MCM9: variants seen among roughly 807,000 people sequenced by gnomAD.
MCM9 encodes DNA helicase MCM9.
Under a neutral mutation model 72.8 loss-of-function variants are expected in MCM9, and 55 were observed. The observed-to-expected ratio is 0.76, with a 90% confidence interval of 0.61 to 0.95. The LOEUF is 0.95. MCM9 is among the 40% of genes least tolerant of loss of function. The pLI, the probability that MCM9 is intolerant of heterozygous loss-of-function variation, is 0.00. For synonymous variants in MCM9, 480 were observed against 503.4 expected, an observed-to-expected ratio of 0.95 and a Z score of 0.62; for missense variants, 1,279 against 1,377.0, an observed-to-expected ratio of 0.93 and a Z score of 1.13.
intron 3 of MCM9, among the ~76,000 whole-genome samples, chr6:118,925,962 T>C (rs1405797872): frequency 1.3e-5 from 2 of 152,330 alleles, no homozygotes; most frequent in East Asian, 1.9e-4. Flanking sequence ...CCATAAAATT[T>C]ACCCTATAAA....
At chr6:118,934,469 C>T (rs1385207872) in intron 1 of MCM9, 1 of 151,928 alleles carries the variant, frequency 6.6e-6, no homozygotes, top group East Asian at 1.9e-4. Context: ...CAGCTGTCTC[C>T]GGGAATCGCG....
rs1773360522 is a variant in MCM9 at position 118,815,580 on chromosome 6, T to C, written c.2676A>G (p.Lys892=). ...HSPDRMLDSP[K]RKRPKSLAQV... The stretch of plus-strand genomic sequence containing the variant: ...GCGCAAGGGATTTCGGTCTCTTTCT[T>C]TTGGGTGAGTCCAGCATTCTGTCTG... The change falls in exon 14 of 14, where the codon AAA becomes AAG. Residue 892 remains lysine (K), a synonymous_variant. Transcript: ENST00000619706. 2 of 1,550,226 alleles carry C rather than the reference T, an allele frequency of 1.3e-6. No homozygotes were observed. Among genetic ancestry groups the C allele is most frequent in the African/African-American group, 1.4e-5 (1 of 73,032 alleles).
intron 8 of MCM9, among the ~76,000 whole-genome samples, chr6:118,859,639 A>C (rs1776783056): frequency 6.6e-6 from 1 of 152,220 alleles, no homozygotes; most frequent in African/African-American, 2.4e-5. Context: ...GGACCCCATC[A>C]TAGGGAAACC....
intron 8 of MCM9, among the ~76,000 whole-genome samples, chr6:118,867,159 C>G (rs1359160352): frequency 6.6e-6 from 1 of 152,016 alleles, no homozygotes; most frequent in African/African-American, 2.4e-5. Flanking sequence ...CATTAGACCT[C>G]TTTTACAAAA....
intron 9 of MCM9, among the ~76,000 whole-genome samples, chr6:118,837,665 G>T (rs1775057784): frequency 6.6e-6 from 1 of 152,106 alleles, no homozygotes; most frequent in Admixed American, 6.6e-5. Context: ...TTTAAAGTCA[G>T]AGACTAGGAT....
At chr6:118,867,690 T>C (rs1222269260) in intron 8 of MCM9, among the ~76,000 whole-genome samples, 2 of 152,152 alleles carry the variant, frequency 1.3e-5, no homozygotes, top group African/African-American at 4.8e-5. Flanking sequence ...AGGTGTATAG[T>C]AGATTATACC....
rs1217211615 is a variant in MCM9 at position 118,815,164 on chromosome 6, A to C, written c.3092T>G (p.Leu1031Arg). ...ELGNETGCAH[L>R]TCEGDKKEEV... is the part of the protein sequence containing the mutation. ...TTCCTTTTTGTCTCCCTCACAAGTA[A>C]GATGAGCACACCCAGTCTCGTTCCC... Residue 1031 changes from leucine to arginine, a missense_variant, in exon 14 of 14, where the codon CTT (leucine) becomes CGT (arginine). Transcript: ENST00000619706. The C allele has an allele frequency of 6.4e-7, 1 of 1,550,578 alleles. No homozygotes were observed. The highest frequency in any genetic ancestry group is 8.7e-7 in the Non-Finnish European group (1 of 1,146,984).
intron 13 of MCM9, among the ~76,000 whole-genome samples, chr6:118,817,256 T>G (rs941574797): frequency 1.3e-5 from 2 of 151,824 alleles, no homozygotes; most frequent in Non-Finnish European, 2.9e-5. Context: ...CCCACACGCA[T>G]TAGGTATTTG....
chr6:118,905,745 A>C (rs1315233194), intron 8 of MCM9: 3 of 1,613,570 alleles, frequency 1.9e-6, no homozygotes, highest in African/African-American at 1.3e-5. Flanking sequence ...ACAAGAATTT[A>C]TTAGAGTTGG....
intron 8 of MCM9, among the ~76,000 whole-genome samples, chr6:118,863,387 A>G (rs946644994): frequency 1.3e-5 from 2 of 152,226 alleles, no homozygotes; most frequent in African/African-American, 4.8e-5. Context: ...TTAAAAAGGC[A>G]TATAATTGAT....
In MCM9 at chr6:118,826,779, T is replaced by A. The variant is rs887928215; in HGVS notation, c.1815+3A>T. ...AAAAATTAGGTACACAAAATATCCT[T>A]ACCTGCATTGAGGACTCCATGACTG... On this transcript the variant is annotated splice_donor_region_variant and intron_variant, in intron 12 of 13. Transcript: ENST00000619706. The A allele has an allele frequency of 1.3e-6, 2 of 1,545,498 alleles. No individual in the cohort carries two copies. Among genetic ancestry groups the A allele is most frequent in the Admixed American group, 4.0e-5 (2 of 50,172 alleles).
intron 8 of MCM9, chr6:118,900,711 C>A: frequency 7.9e-7 from 1 of 1,261,334 alleles, no homozygotes; most frequent in Non-Finnish European, 1.2e-6. Context: ...TCTTTGATGT[C>A]ATCTGGTAAT....
intron 8 of MCM9, chr6:118,911,400 T>G: frequency 8.2e-7 from 1 of 1,213,058 alleles, no homozygotes; most frequent in Admixed American, 4.2e-5. Flanking sequence ...CATAAAAGTA[T>G]GAAGGTAATC....
At chr6:118,920,117 A>G (rs976555759) in intron 5 of MCM9, 1 of 152,214 alleles carries the variant, frequency 6.6e-6, no homozygotes, top group Admixed American at 6.5e-5. Context: ...CTTATTCTCA[A>G]TTGATGGATA....
At chr6:118,824,495 G>C (rs995777341) in intron 13 of MCM9, among the ~76,000 whole-genome samples, 3 of 152,110 alleles carry the variant, frequency 2.0e-5, no homozygotes, top group Non-Finnish European at 4.4e-5. Context: ...TTTTAGTAGA[G>C]ACAGTGTTTC....
chr6:118,907,664 C>G, intron 8 of MCM9: 2 of 1,434,022 alleles, frequency 1.4e-6, no homozygotes, highest in East Asian at 2.3e-5. Context: ...ATACACAGAA[C>G]TATTTCCCTG....
At chr6:118,902,528 C>A (rs1466812133) in intron 8 of MCM9, among the ~76,000 whole-genome samples, 1 of 131,526 alleles carries the variant, frequency 7.6e-6, no homozygotes, top group Non-Finnish European at 1.6e-5. Context: ...ACTGATAATA[C>A]TTTTTTTTTT....
At chr6:118,831,475 G>A (rs1172709638) in intron 9 of MCM9, among the ~76,000 whole-genome samples, 1 of 152,074 alleles carries the variant, frequency 6.6e-6, no homozygotes, top group Non-Finnish European at 1.5e-5. Context: ...AGGAAGAGGA[G>A]ATTATGAGAG....
chr6:118,911,814 G>A, intron 7 of MCM9, 45 bp from the exon 8 acceptor site: 1 of 1,477,138 alleles, frequency 6.8e-7, no homozygotes. Context: ...CTATAAAAGG[G>A]TCCATTTGGA....
Sources: allele counts gnomAD v4.1 joint callset (sites outside exome capture counted in the v4.1 genomes callset), GRCh38; gene constraint gnomAD v4.1.1; transcripts MANE v1.5; gene names NCBI Gene and HGNC (gene_info 2026-07-23, HGNC 2026-07-21).